Variants in ERC2 observed in about 807,000 individuals in gnomAD.
ERC2 encodes ERC protein 2.
Under a neutral mutation model 114.8 loss-of-function variants are expected in ERC2, and 42 were observed. The ratio of observed to expected loss-of-function variants is 0.37; its 90% CI spans 0.29 to 0.47. The LOEUF is 0.47. ERC2 is among the 20% of genes least tolerant of loss of function. The pLI is 0.99. For synonymous variants in ERC2, 454 were observed against 425.5 expected (o/e 1.07, Z -0.82); for missense variants, 939 against 1,150.7 (o/e 0.82, Z 2.66).
At chr3:55,597,079 T>G (rs2058172831) in intron 17 of ERC2, among the ~76,000 whole-genome samples, 1 of 152,180 alleles carries the variant, frequency 6.6e-6, no homozygotes, top group Non-Finnish European at 1.5e-5. Context: ...CTGAATAAAA[T>G]ACAAGAAGCA....
intron 12 of ERC2, among the ~76,000 whole-genome samples, chr3:55,984,177 G>C (rs2070389688): frequency 6.6e-6 from 1 of 151,976 alleles, no homozygotes; most frequent in Non-Finnish European, 1.5e-5. Context: ...TGTGCATTTT[G>C]CCACATCCTA....
chr3:56,416,349 A>C, intron 2 of ERC2, among the ~76,000 whole-genome samples: 4 of 151,088 alleles, frequency 2.6e-5, no homozygotes, highest in Admixed American at 6.6e-5. Context: ...TCCATGAAAA[A>C]CCCCTCTTCA....
At chr3:56,018,558 C>G (rs191484272) in intron 8 of ERC2, among the ~76,000 whole-genome samples, 1 of 152,108 alleles carries the variant, frequency 6.6e-6, no homozygotes, top group Non-Finnish European at 1.5e-5. Flanking sequence ...AGCAGGCACA[C>G]AGAGTGGGGG....
intron 17 of ERC2, among the ~76,000 whole-genome samples, chr3:55,604,314 C>T (rs1021489945): frequency 1.3e-5 from 2 of 151,700 alleles, no homozygotes; most frequent in African/African-American, 4.9e-5. Flanking sequence ...AAGGTGAGGC[C>T]ATTAATATTG....
intron 17 of ERC2, among the ~76,000 whole-genome samples, chr3:55,678,968 T>G (rs1301748811): frequency 2.6e-5 from 4 of 152,150 alleles, no homozygotes; most frequent in African/African-American, 9.7e-5. Flanking sequence ...CCATCAATTC[T>G]CTCACAGATC....
intron 3 of ERC2, among the ~76,000 whole-genome samples, chr3:56,223,278 C>G (rs2050035413): frequency 1.3e-5 from 2 of 152,122 alleles, no homozygotes; most frequent in African/African-American, 2.4e-5. Flanking sequence ...GGAGGAGATT[C>G]CTTTGCTGGA....
At chr3:56,318,208 A>C (rs1272768470) in intron 2 of ERC2, among the ~76,000 whole-genome samples, 4 of 152,180 alleles carry the variant, frequency 2.6e-5, no homozygotes, top group Non-Finnish European at 5.9e-5. Context: ...TTCTTTTGAG[A>C]CAATGTCTTA....
At chr3:55,821,414 C>T (rs1414784626) in intron 14 of ERC2, among the ~76,000 whole-genome samples, 1 of 152,178 alleles carries the variant, frequency 6.6e-6, no homozygotes, top group Non-Finnish European at 1.5e-5. Flanking sequence ...TGTGAAGGGG[C>T]TGAGTGCTAC....
intron 2 of ERC2, among the ~76,000 whole-genome samples, chr3:56,422,754 C>A (rs1345528447): frequency 6.6e-6 from 1 of 152,136 alleles, no homozygotes; most frequent in South Asian, 2.1e-4. Context: ...GAGATCAAAT[C>A]GCAGCTCTAT....
rs557610214 is a variant in ERC2 at position 56,173,939 on chromosome 3, T to G, written c.1075-419A>C. 4.9e-5 allele frequency: 8 copies of G among 163,980 alleles called. No individual in the cohort carries two copies. In the East Asian group the frequency reaches 1.3e-3, roughly 27 times the overall value. 10.2% of individuals were successfully genotyped at this position (163,980 alleles called of 1,614,324 possible). ...CAAATCCGCTGCACGCATGGCATTT[T>G]GCTACCGAGGCAGGTTTGAAATGAG... On this transcript the variant is annotated intron_variant, in intron 3 of 17. Transcript: ENST00000288221.
intron 14 of ERC2, among the ~76,000 whole-genome samples, chr3:55,784,139 A>G (rs1215717596): frequency 1.3e-5 from 2 of 152,134 alleles, no homozygotes; most frequent in Non-Finnish European, 2.9e-5. Context: ...ATGTAAAAAG[A>G]GGCAAAATTC....
intron 1 of ERC2, among the ~76,000 whole-genome samples, chr3:56,452,509 T>C (rs1385790825): frequency 1.3e-5 from 2 of 152,240 alleles, no homozygotes; most frequent in Non-Finnish European, 2.9e-5. Context: ...TCTAAATTGA[T>C]TTAGGTTTTA....
chr3:55,992,010 G>C (rs746344802), intron 11 of ERC2, 47 bp downstream of exon 11: 2 of 1,569,218 alleles, frequency 1.3e-6, no homozygotes, highest in Admixed American at 3.4e-5. Context: ...CAACCACGCA[G>C]TCCATGTTCT....
intron 3 of ERC2, among the ~76,000 whole-genome samples, chr3:56,176,578 C>A (rs567503635): frequency 1.3e-5 from 2 of 152,140 alleles, no homozygotes; most frequent in Admixed American, 1.3e-4. Context: ...TCCAATTACC[C>A]AAGAATTGTA....
chr3:56,374,129 C>T (rs770992496), intron 2 of ERC2, among the ~76,000 whole-genome samples: 23 of 152,178 alleles, frequency 1.5e-4, no homozygotes, highest in Non-Finnish European at 2.9e-5. Flanking sequence ...CTGAGTCTCG[C>T]TCTGTCGCCG....
chr3:56,130,739 C>G (rs998132355), intron 6 of ERC2, among the ~76,000 whole-genome samples: 66 of 152,282 alleles, frequency 4.3e-4, no homozygotes, highest in African/African-American at 1.4e-3. Context: ...CATCACAGGT[C>G]TTTCATGTTC....
At chr3:56,182,102 T>C (rs765704541) in intron 3 of ERC2, among the ~76,000 whole-genome samples, 1 of 152,192 alleles carries the variant, frequency 6.6e-6, no homozygotes. Flanking sequence ...CAGCCATATA[T>C]TGCAAATATA....
At chr3:56,354,208 A>G (rs1057084995) in intron 2 of ERC2, among the ~76,000 whole-genome samples, 31 of 152,378 alleles carry the variant, frequency 2.0e-4, no homozygotes, top group African/African-American at 7.2e-4. Flanking sequence ...ATTTGCAAAA[A>G]GCTGTATGTA....
At chr3:55,830,897 T>A (rs558275524) in intron 14 of ERC2, among the ~76,000 whole-genome samples, 4 of 152,176 alleles carry the variant, frequency 2.6e-5, no homozygotes, top group South Asian at 2.1e-4. Flanking sequence ...TGAGCTAGGA[T>A]TGCACCACTG....
Sources: allele counts gnomAD v4.1 joint callset (sites outside exome capture counted in the v4.1 genomes callset), GRCh38; gene constraint gnomAD v4.1.1; transcripts MANE v1.5; gene names NCBI Gene and HGNC (gene_info 2026-07-23, HGNC 2026-07-21).